The following NEBL variants were observed in gnomAD, a reference collection of about 807,000 sequenced individuals.
NEBL encodes the protein nebulette.
A neutral mutation model predicts 140.2 loss-of-function variants in NEBL; 122 were observed. The observed-to-expected ratio is 0.87, with a 90% CI of 0.75 to 1.01. The LOEUF is 1.01. Ranked by LOEUF, NEBL falls within the 50% of genes least tolerant of loss-of-function variation. The pLI, the probability that NEBL is intolerant of heterozygous loss-of-function variation, is 0.00. For synonymous variants in NEBL, 436 were observed against 398.9 expected, an observed-to-expected ratio of 1.09 and a Z score of -1.11; for missense variants, 1,365 against 1,231.3, an observed-to-expected ratio of 1.11 and a Z score of -1.62.
At chr10:20,944,637 G>T (rs911339257) in intron 4 of NEBL, among the ~76,000 whole-genome samples, 2 of 152,170 alleles carry the variant, frequency 1.3e-5, no homozygotes, top group Non-Finnish European at 2.9e-5. Flanking sequence ...GAGCATGTCT[G>T]AGACTAGCTA....
At chr10:21,208,147 A>T (rs1841858560) in intron 3 of NEBL, among the ~76,000 whole-genome samples, 1 of 152,128 alleles carries the variant, frequency 6.6e-6, no homozygotes. Context: ...GTGGAGGATA[A>T]AGGGCTAGGA....
At chr10:20,940,941 T>G (rs1282030387) in intron 4 of NEBL, among the ~76,000 whole-genome samples, 1 of 152,154 alleles carries the variant, frequency 6.6e-6, no homozygotes, top group Non-Finnish European at 1.5e-5. Flanking sequence ...GAGGCAATAA[T>G]TAATAGCTTA....
rs77350812 is a variant in NEBL at position 21,205,237 on chromosome 10, T to C, written n.349-32760A>G. 2.1e-3 allele frequency among the ~76,000 whole-genome samples: 320 copies of C among 152,342 alleles called. 3 individuals are homozygous for C. Among genetic ancestry groups the C allele is most frequent in the Middle Eastern group, 0.014 (4 of 294 alleles). Reference sequence around the variant, plus strand: ...ATTTACAAAGTAAGATTACAATATCTGCCCCAAATGTGTAGCAAAAGCCTT... The same window carrying C: ...ATTTACAAAGTAAGATTACAATATCCGCCCCAAATGTGTAGCAAAAGCCTT... On this transcript the variant is annotated intron_variant and non_coding_transcript_variant, in intron 3 of 8. Coordinates refer to the NEBL transcript ENST00000675702.
At position 21,173,724 on chromosome 10, in the gene NEBL, C is replaced by T. The variant is rs767890050; in HGVS notation, c.69+41G>A. 1.9e-6 allele frequency: 3 copies of T among 1,611,614 alleles called. No homozygotes were observed. The highest frequency in any genetic ancestry group is 2.5e-6 in the Non-Finnish European group (3 of 1,179,774). ...ACTTCTCGAAGCAGGTGCAGCCCCT[C>T]GCCCGGCAGGTCCAGGCTGGCCCGG... On this transcript the variant is annotated intron_variant, in intron 1 of 6. Coordinates refer to the NEBL transcript ENST00000417816. This position sits in a 1 kb window ranked among gnomAD's most constrained non-coding sequence, Gnocchi z 5.7.
chr10:20,854,816 T>C (rs912841965), intron 9 of NEBL, among the ~76,000 whole-genome samples: 1 of 152,094 alleles, frequency 6.6e-6, no homozygotes, highest in African/African-American at 2.4e-5. Flanking sequence ...CCTCCTGCCT[T>C]GGCCTCCCAA....
chr10:21,026,079 A>G (rs1403226707), intron 2 of NEBL, among the ~76,000 whole-genome samples: 1 of 152,242 alleles, frequency 6.6e-6, no homozygotes, highest in Non-Finnish European at 1.5e-5. Flanking sequence ...CACATGAAAA[A>G]GTTTTATAAA....
intron 3 of NEBL, among the ~76,000 whole-genome samples, chr10:21,010,967 G>A (rs1838316113): frequency 6.6e-6 from 1 of 152,168 alleles, no homozygotes; most frequent in African/African-American, 2.4e-5. Flanking sequence ...CCAGTCCAGG[G>A]AAGGAGCTAT....
chr10:20,990,768 T>C (rs1313457815), intron 3 of NEBL, among the ~76,000 whole-genome samples: 1 of 152,230 alleles, frequency 6.6e-6, no homozygotes, highest in Non-Finnish European at 1.5e-5. Context: ...TCACCCAGTG[T>C]GACTCAGTCA....
In NEBL at chr10:21,088,444, AC is replaced by A. The variant is rs1217153374; in HGVS notation, c.165-68244del. ...GGCTGTAGTGGGCTATGATGGTACC[AC>A]TGCACTCCAACCTGGTTGTCACGGT... On this transcript the variant is annotated intron_variant, in intron 2 of 6. Coordinates refer to the NEBL transcript ENST00000417816. Among the ~76,000 whole-genome samples, 7 of 152,186 alleles carry A rather than the reference AC, an allele frequency of 4.6e-5. No individual in the cohort carries two copies. The South Asian group carries it at 8.3e-4, about 18-fold the overall frequency.
intron 3 of NEBL, among the ~76,000 whole-genome samples, chr10:21,239,265 A>G (rs925003270): frequency 6.6e-6 from 1 of 152,004 alleles, no homozygotes; most frequent in African/African-American, 2.4e-5. Context: ...TTTTAAACAA[A>G]CACGTGAAAA....
chr10:21,094,274 G>A (rs958574037), intron 2 of NEBL, among the ~76,000 whole-genome samples: 16 of 151,946 alleles, frequency 1.1e-4, no homozygotes, highest in African/African-American at 2.4e-5. Context: ...AGGCCGAGGT[G>A]GGCGGATCAC....
chr10:21,142,514 A>C (rs964082667), intron 2 of NEBL, among the ~76,000 whole-genome samples: 4 of 152,200 alleles, frequency 2.6e-5, no homozygotes. Context: ...AAGACAAAGA[A>C]GTTTTCCAAC....
chr10:21,033,784 T>C (rs1018985300), intron 2 of NEBL, among the ~76,000 whole-genome samples: 3 of 150,636 alleles, frequency 2.0e-5, no homozygotes, highest in South Asian at 2.1e-4. Flanking sequence ...AATTGTATGA[T>C]AAAATATCAA....
At chr10:21,034,212 A>C (rs925327019) in intron 2 of NEBL, among the ~76,000 whole-genome samples, 3 of 151,500 alleles carry the variant, frequency 2.0e-5, no homozygotes, top group Non-Finnish European at 4.4e-5. Flanking sequence ...AACTAGAAAT[A>C]CCATATTACA....
chr10:21,048,290 T>C (rs1834607220), intron 2 of NEBL, among the ~76,000 whole-genome samples: 1 of 152,138 alleles, frequency 6.6e-6, no homozygotes, highest in South Asian at 2.1e-4. Context: ...CCAAATTCCT[T>C]CAAGGAGAGT....
chr10:21,209,316 G>A (rs556409849), intron 3 of NEBL, among the ~76,000 whole-genome samples: 10 of 152,258 alleles, frequency 6.6e-5, no homozygotes, highest in Non-Finnish European at 8.8e-5. Context: ...CAGGACGTTC[G>A]GTTAAATTTG....
chr10:21,139,306 A>G (rs979435605), intron 2 of NEBL, among the ~76,000 whole-genome samples: 6 of 152,208 alleles, frequency 3.9e-5, no homozygotes, highest in African/African-American at 1.4e-4. Flanking sequence ...AAGAAAATGT[A>G]AAATCCAATC....
At position 21,237,993 on chromosome 10, in the gene NEBL, A is replaced by G. The variant is rs1197373785; in HGVS notation, n.348+9928T>C. On this transcript the variant is annotated intron_variant and non_coding_transcript_variant, in intron 3 of 8. Coordinates refer to the NEBL transcript ENST00000675702. ...CAGTGATCTATAAACCTTTGAGCAA[A>G]CAGACTAAGTGTCTTCATCCCTACA... is the stretch of plus-strand genomic sequence containing the variant. 7.2e-5 allele frequency among the ~76,000 whole-genome samples: 11 copies of G among 152,214 alleles called. 1 individual carries two copies. Among genetic ancestry groups the G allele is most frequent in the Admixed American group, 3.9e-4 (6 of 15,274 alleles).
chr10:20,946,332 C>T (rs1835157526), intron 4 of NEBL, among the ~76,000 whole-genome samples: 1 of 152,190 alleles, frequency 6.6e-6, no homozygotes, highest in Non-Finnish European at 1.5e-5. Flanking sequence ...CTGTGGCCCT[C>T]GTGCTACTGG....
Sources: gnomAD v4.1 joint callset for allele counts (sites outside exome capture counted in the v4.1 genomes callset) on GRCh38, gnomAD v4.1.1 for gene constraint, Gnocchi (gnomAD v3.1) non-coding constraint, MANE v1.5 for transcripts, NCBI Gene and HGNC (gene_info 2026-07-23, HGNC 2026-07-21) for gene names.